Variants in SEMA5A observed in about 807,000 individuals in gnomAD.
SEMA5A encodes semaphorin 5A.
Under a neutral mutation model 135.5 loss-of-function variants are expected in SEMA5A, and 55 were observed. The observed-to-expected ratio is 0.41, with a 90% confidence interval of 0.33 to 0.51. The LOEUF (loss-of-function observed/expected upper bound fraction) is 0.51. Among genes scored for constraint, SEMA5A ranks in the 20% least tolerant of loss-of-function variants. SEMA5A has a pLI of 0.37. For missense variants in SEMA5A, 1,290 were observed against 1,419.9 expected, an observed-to-expected ratio of 0.91 and a Z score of 1.47; for synonymous variants, 580 against 546.5, an observed-to-expected ratio of 1.06 and a Z score of -0.85.
At position 9,170,119 on chromosome 5, in the gene SEMA5A, T is replaced by C. The variant is rs536185874; in HGVS notation, c.1274-15424A>G. Among the ~76,000 whole-genome samples, 277 of 152,242 alleles carry C rather than the reference T, an allele frequency of 1.8e-3. 2 individuals carry two copies. Among genetic ancestry groups the C allele is most frequent in the African/African-American group, 6.0e-3 (251 of 41,556 alleles). On this transcript the variant is annotated intron_variant, in intron 11 of 22. Coordinates refer to ENST00000382496, the MANE Select transcript of SEMA5A (RefSeq NM_003966.3). ...CAGGAGTGACAATGCCCCCCTTTTC[T>C]AGCCTAAGTATGAACAGGGTCTGTG...
chr5:9,122,714 G>C lies in SEMA5A; in HGVS notation c.1723C>G (p.Pro575Ala). The change falls in exon 14 of 23, where the codon CCG becomes GCG. Residue 575 changes from proline (P) to alanine (A), a missense_variant. Pro to Ala is a conservative substitution (Grantham distance 27, BLOSUM62 -1). Coordinates refer to ENST00000382496, the MANE Select transcript of SEMA5A (RefSeq NM_003966.3). ...TCGCACTGCCAGCCACCACACTGCG[G>C]GGCCGGGCTGTCGCAGGAGCGGGTT... ...CRTRSCDSPA[P>A]QCGGWQCEGP... 6.2e-7 allele frequency: 1 copy of C among 1,613,514 alleles called. No individual in the cohort carries two copies. The highest frequency in any genetic ancestry group is 1.1e-5 in the South Asian group (1 of 90,982).
At chr5:9,131,835 T>C (rs1406427747) in intron 13 of SEMA5A, among the ~76,000 whole-genome samples, 2 of 151,896 alleles carry the variant, frequency 1.3e-5, no homozygotes, top group Non-Finnish European at 2.9e-5. Context: ...CTATAATACA[T>C]GATGCATTTT....
At chr5:9,384,619 CATAGATAGATAG>C (rs67211847) in intron 2 of SEMA5A, among the ~76,000 whole-genome samples, 936 of 85,808 alleles carry the variant, frequency 0.011, 49 homozygotes, top group Non-Finnish European at 0.016. Flanking sequence ...TAGATAGATA[CATAGATAGATAG>C]ATAGATAGAT....
rs113280666 is a variant in SEMA5A at position 9,151,745 on chromosome 5, G to C, written c.1481+2743C>G. 6.6e-5 allele frequency among the ~76,000 whole-genome samples: 10 copies of C among 152,290 alleles called. 1 individual carries two copies. The highest frequency in any genetic ancestry group is 2.4e-4 in the African/African-American group (10 of 41,556). Reference sequence around the variant, plus strand: ...CAGGCAAAAACTAACCCCCTCTGAGGAAGGGCACACAGAAGACTATAGTCT... The same window carrying C: ...CAGGCAAAAACTAACCCCCTCTGAGCAAGGGCACACAGAAGACTATAGTCT... On this transcript the variant is annotated intron_variant, in intron 12 of 22. Coordinates refer to ENST00000382496, the MANE Select transcript of SEMA5A (RefSeq NM_003966.3).
At chr5:9,516,231 CACACAG>C (rs1236377362) in intron 1 of SEMA5A, among the ~76,000 whole-genome samples, 2 of 152,170 alleles carry the variant, frequency 1.3e-5, no homozygotes, top group African/African-American at 2.4e-5. Context: ...GTATACACCA[CACACAG>C]ACACAGATAC....
intron 8 of SEMA5A, among the ~76,000 whole-genome samples, chr5:9,216,218 T>A (rs913204841): frequency 3.9e-5 from 6 of 152,204 alleles, no homozygotes; most frequent in African/African-American, 1.4e-4. Flanking sequence ...ACTTCTCGAT[T>A]TCTGCCTTAA....
intron 4 of SEMA5A, among the ~76,000 whole-genome samples, chr5:9,336,198 A>G (rs1753383586): frequency 6.6e-6 from 1 of 152,182 alleles, no homozygotes; most frequent in South Asian, 2.1e-4. Flanking sequence ...CCCAGAGGCA[A>G]GAAAGAGCAT....
intron 1 of SEMA5A, among the ~76,000 whole-genome samples, chr5:9,471,040 A>G (rs919354105): frequency 2.0e-5 from 3 of 152,204 alleles, no homozygotes; most frequent in African/African-American, 7.2e-5. Flanking sequence ...CTGAAAAGAA[A>G]AACAATGTAA....
chr5:9,077,639 G>T (rs753273646), intron 16 of SEMA5A, among the ~76,000 whole-genome samples: 2 of 152,062 alleles, frequency 1.3e-5, no homozygotes, highest in East Asian at 3.8e-4. Flanking sequence ...TTTGCAAGGC[G>T]GTCTCCCAAG....
chr5:9,056,565 C>T lies in SEMA5A; in HGVS notation c.2519-2308G>A, dbSNP rs554274685. On this transcript the variant is annotated intron_variant, in intron 18 of 22. Transcript: ENST00000382496. Reference sequence around the variant, plus strand: ...GGTGAAACCCTGTCTCTACTAAAAACACAAAAATTAGCTGTGCATGTTGGT... The same window carrying T: ...GGTGAAACCCTGTCTCTACTAAAAATACAAAAATTAGCTGTGCATGTTGGT... 7.2e-5 allele frequency among the ~76,000 whole-genome samples: 11 copies of T among 152,148 alleles called. No homozygotes were observed. In the South Asian group the frequency reaches 2.3e-3, roughly 32 times the overall value.
chr5:9,262,847 GTAAC>G (rs1239324249), intron 5 of SEMA5A, among the ~76,000 whole-genome samples: 1 of 121,774 alleles, frequency 8.2e-6, no homozygotes, highest in African/African-American at 3.2e-5. Context: ...GTATACATAT[GTAAC>G]TAACCTGCAC....
intron 3 of SEMA5A, among the ~76,000 whole-genome samples, chr5:9,339,397 T>C (rs558815707): frequency 6.6e-6 from 1 of 152,246 alleles, no homozygotes; most frequent in Admixed American, 6.5e-5. Flanking sequence ...GTGCCCCCTG[T>C]GGCCATAACT....
intron 1 of SEMA5A, among the ~76,000 whole-genome samples, chr5:9,473,101 A>G (rs1204822461): frequency 7.4e-6 from 1 of 135,680 alleles, no homozygotes; most frequent in African/African-American, 2.8e-5. Flanking sequence ...TAAAACTTAA[A>G]GTATAATAAT....
intron 2 of SEMA5A, among the ~76,000 whole-genome samples, chr5:9,393,615 C>T (rs174861): frequency 1.8e-4 from 27 of 152,000 alleles, no homozygotes; most frequent in Admixed American, 3.3e-4. Flanking sequence ...CTGGCAATTA[C>T]GAAGCACTAA....
At chr5:9,487,035 A>G (rs1561291789) in intron 1 of SEMA5A, among the ~76,000 whole-genome samples, 1 of 152,054 alleles carries the variant, frequency 6.6e-6, no homozygotes, top group Non-Finnish European at 1.5e-5. Flanking sequence ...AAAAACTAGT[A>G]GAAAATGCAT....
intron 1 of SEMA5A, among the ~76,000 whole-genome samples, chr5:9,443,064 C>T (rs1758298392): frequency 6.6e-6 from 1 of 152,220 alleles, no homozygotes. Flanking sequence ...TGGTTATACG[C>T]ACTGCAACCC....
intron 1 of SEMA5A, among the ~76,000 whole-genome samples, chr5:9,511,161 TTTAACTC>T (rs1736185111): frequency 6.6e-6 from 1 of 152,216 alleles, no homozygotes; most frequent in African/African-American, 2.4e-5. Flanking sequence ...TAATATATTC[TTTAACTC>T]TTGGAGTGAT....
chr5:9,112,935 T>C (rs1257018893), intron 15 of SEMA5A, among the ~76,000 whole-genome samples: 1 of 152,206 alleles, frequency 6.6e-6, no homozygotes, highest in African/African-American at 2.4e-5. Flanking sequence ...GACCCAGTTG[T>C]CAAGGAATTG....
chr5:9,315,028 G>A (rs1752329439), intron 5 of SEMA5A, among the ~76,000 whole-genome samples: 1 of 152,030 alleles, frequency 6.6e-6, no homozygotes, highest in African/African-American at 2.4e-5. Flanking sequence ...AGACCAAGGA[G>A]GCAATGATGA....
Sources: allele counts gnomAD v4.1 joint callset (sites outside exome capture counted in the v4.1 genomes callset), GRCh38; gene constraint gnomAD v4.1.1; transcripts MANE v1.5; gene names NCBI Gene and HGNC (gene_info 2026-07-23, HGNC 2026-07-21).